FSHR: variants seen among roughly 807,000 people sequenced by gnomAD.
FSHR encodes follicle stimulating hormone receptor, also known as follicle-stimulating hormone receptor.
FSHR carries 46 observed loss-of-function variants against 52.1 expected under a neutral mutation model. The observed-to-expected ratio is 0.88, with a 90% confidence interval of 0.70 to 1.13. The LOEUF (loss-of-function observed/expected upper bound fraction) is 1.13, where lower values mean the gene tolerates loss of function less well. FSHR is among the 50% of genes most tolerant of loss of function. The pLI is 0.00. For missense variants in FSHR, 964 were observed against 834.6 expected, an observed-to-expected ratio of 1.16 and a Z score of -1.91; for synonymous variants, 399 against 309.6, an observed-to-expected ratio of 1.29 and a Z score of -3.03.
At chr2:49,032,029 C>A (rs1668117196) in intron 2 of FSHR, among the ~76,000 whole-genome samples, 2 of 152,268 alleles carry the variant, frequency 1.3e-5, no homozygotes, top group African/African-American at 4.8e-5. Context: ...GTTGAATGAA[C>A]AAGTGACATC....
intron 2 of FSHR, among the ~76,000 whole-genome samples, chr2:49,029,121 G>C (rs78787485): frequency 6.6e-6 from 1 of 152,154 alleles, no homozygotes; most frequent in Non-Finnish European, 1.5e-5. Flanking sequence ...CCAATTTGAA[G>C]AAAAGAAATA....
intron 1 of FSHR, among the ~76,000 whole-genome samples, chr2:49,122,789 G>A (rs1180607990): frequency 6.6e-6 from 1 of 152,188 alleles, no homozygotes; most frequent in African/African-American, 2.4e-5. Flanking sequence ...CTTCTGCTAA[G>A]ATTAACACCC....
At chr2:49,078,610 A>T (rs556482458) in intron 1 of FSHR, among the ~76,000 whole-genome samples, 1 of 151,404 alleles carries the variant, frequency 6.6e-6, no homozygotes, top group South Asian at 2.1e-4. Flanking sequence ...GAAAATTTTC[A>T]TATAAATAAA....
At chr2:49,014,136 T>C (rs1667397838) in intron 4 of FSHR, among the ~76,000 whole-genome samples, 1 of 152,144 alleles carries the variant, frequency 6.6e-6, no homozygotes. Context: ...GCTACAGTAG[T>C]CTGTTAGAGC....
chr2:48,983,554 T>A (rs189219449), intron 6 of FSHR, among the ~76,000 whole-genome samples: 80 of 152,290 alleles, frequency 5.3e-4, no homozygotes, highest in Non-Finnish European at 4.4e-4. Context: ...ATTGAACAAG[T>A]GTTTATAAGA....
At chr2:49,021,362 A>G (rs1378210358) in intron 2 of FSHR, among the ~76,000 whole-genome samples, 1 of 152,184 alleles carries the variant, frequency 6.6e-6, no homozygotes, top group East Asian at 1.9e-4. Flanking sequence ...CTCACAGATG[A>G]AATGTGCTAT....
intron 1 of FSHR, among the ~76,000 whole-genome samples, chr2:49,072,578 T>C (rs1460616858): frequency 6.6e-6 from 1 of 152,176 alleles, no homozygotes; most frequent in Non-Finnish European, 1.5e-5. Flanking sequence ...AGTTGTTTAA[T>C]AAGAAACATT....
intron 8 of FSHR, among the ~76,000 whole-genome samples, chr2:48,978,261 C>G (rs1243449972): frequency 6.6e-6 from 1 of 152,206 alleles, no homozygotes; most frequent in Non-Finnish European, 1.5e-5. Flanking sequence ...TGAACAATTT[C>G]TATTTTTCCC....
chr2:49,099,809 G>T (rs4971882), intron 1 of FSHR, among the ~76,000 whole-genome samples: 1 of 151,722 alleles, frequency 6.6e-6, no homozygotes, highest in Non-Finnish European at 1.5e-5. Context: ...CCTTAGAACC[G>T]TCAGGAGGAA....
At chr2:49,013,511 T>TAA (rs1356609540) in intron 4 of FSHR, among the ~76,000 whole-genome samples, 36 of 74,484 alleles carry the variant, frequency 4.8e-4, no homozygotes, top group Admixed American at 8.6e-4. Flanking sequence ...AATATATATA[T>TAA]ATATAAATAT....
chr2:48,975,341 A>G (rs1674938550), intron 8 of FSHR, among the ~76,000 whole-genome samples: 1 of 151,590 alleles, frequency 6.6e-6, no homozygotes, highest in South Asian at 2.1e-4. Context: ...ACTCAGAGTT[A>G]TACCATCAAT....
At chr2:49,109,963 G>T (rs2103749694) in intron 1 of FSHR, among the ~76,000 whole-genome samples, 1 of 152,260 alleles carries the variant, frequency 6.6e-6, no homozygotes, top group East Asian at 1.9e-4. Flanking sequence ...GGGCTATGCA[G>T]GTGTCAGATA....
chr2:49,047,453 C>T (rs749439767), intron 2 of FSHR, among the ~76,000 whole-genome samples: 2 of 152,334 alleles, frequency 1.3e-5, no homozygotes, highest in South Asian at 2.1e-4. Flanking sequence ...TGTCAGTGTG[C>T]TTACAGCACG....
At position 49,127,748 on chromosome 2, in the gene FSHR, TTCTTTCTTCTTC is replaced by T. The variant is rs1558456191; in HGVS notation, c.152+26506_152+26517del. On this transcript the variant is annotated intron_variant, in intron 1 of 9. Coordinates refer to ENST00000406846, the MANE Select transcript of FSHR (RefSeq NM_000145.4). ...TTGATTTGTGCATGATTTCTTCTTC[TTCTTTCTTCTTC>T]TTCTTCTTCTTCTTCTTCTTCTTCT... Among the ~76,000 whole-genome samples the T allele has an allele frequency of 5.5e-3, 633 of 116,020 alleles. 62 individuals carry two copies. Among genetic ancestry groups the T allele is most frequent in the African/African-American group, 0.019 (603 of 31,018 alleles). The allele number at this position is 116,020 out of a possible 152,430, so 76.1% of individuals were successfully genotyped here. A position where few individuals can be genotyped will look rare whatever the true frequency, so the allele number is the denominator to read the frequency against.
intron 6 of FSHR, among the ~76,000 whole-genome samples, chr2:48,986,645 A>C (rs1675529188): frequency 6.6e-6 from 1 of 152,176 alleles, no homozygotes; most frequent in Non-Finnish European, 1.5e-5. Flanking sequence ...CTTTCCTGAA[A>C]AGTGTGTTCC....
At chr2:48,974,314 A>G (rs6545091) in intron 8 of FSHR, among the ~76,000 whole-genome samples, 117,627 of 152,182 alleles carry the variant, frequency 0.77, 45,605 homozygotes, top group Non-Finnish European at 0.8. Context: ...TAGGTGTTAG[A>G]TTGGGAAGCC....
intron 2 of FSHR, among the ~76,000 whole-genome samples, chr2:49,040,048 TC>T (rs1668426109): frequency 6.6e-6 from 1 of 152,170 alleles, no homozygotes; most frequent in African/African-American, 2.4e-5. Context: ...CATTCCTGGA[TC>T]CACAGCTTGG....
chr2:49,096,639 C>T (rs537066235), intron 1 of FSHR, among the ~76,000 whole-genome samples: 13 of 152,282 alleles, frequency 8.5e-5, no homozygotes, highest in South Asian at 4.1e-4. Flanking sequence ...ATTACAACTA[C>T]TGCTAATACT....
At chr2:49,098,245 G>C (rs1427243478) in intron 1 of FSHR, among the ~76,000 whole-genome samples, 3 of 152,094 alleles carry the variant, frequency 2.0e-5, no homozygotes, top group African/African-American at 7.2e-5. Flanking sequence ...AAAACAAGCT[G>C]TATTCTCTGT....
Sources: gnomAD v4.1 joint callset for allele counts (sites outside exome capture counted in the v4.1 genomes callset) on GRCh38, gnomAD v4.1.1 for gene constraint, MANE v1.5 for transcripts, NCBI Gene and HGNC (gene_info 2026-07-23, HGNC 2026-07-21) for gene names.